Variants in LCA5L observed in about 807,000 individuals in gnomAD.
The protein encoded by LCA5L is lebercilin LCA5 like.
A neutral mutation model predicts 45.4 loss-of-function variants in LCA5L; 35 were observed. The observed-to-expected ratio is 0.77, with a 90% CI of 0.59 to 1.02. The LOEUF is 1.02. LCA5L is among the 50% of genes least tolerant of loss of function. LCA5L has a pLI of 0.00. For synonymous variants in LCA5L, 233 were observed against 264.7 expected, an observed-to-expected ratio of 0.88 and a Z score of 1.16; for missense variants, 668 against 761.6, an observed-to-expected ratio of 0.88 and a Z score of 1.45.
At chr21:39,406,938 CAAT>C (rs2039163701) in intron 10 of LCA5L, among the ~76,000 whole-genome samples, 1 of 152,082 alleles carries the variant, frequency 6.6e-6, no homozygotes, top group South Asian at 2.1e-4. Context: ...CCAGTTGAAA[CAAT>C]GATGGCTGGG....
At chr21:39,422,955 C>T (rs1378773371) in intron 6 of LCA5L, 21 bp downstream of exon 6, 1 of 1,608,972 alleles carries the variant, frequency 6.2e-7, no homozygotes, top group Non-Finnish European at 8.5e-7. Context: ...CTTAAACTGT[C>T]TGGGCCCCTG....
chr21:39,444,513 T>A (rs1257125728), intron 1 of LCA5L: 1 of 152,204 alleles, frequency 6.6e-6, no homozygotes, highest in Non-Finnish European at 1.5e-5. Flanking sequence ...GTAATTTATA[T>A]AATCCTTTAA....
At chr21:39,441,632 G>T (rs7277627) in intron 2 of LCA5L, among the ~76,000 whole-genome samples, 34,998 of 152,046 alleles carry the variant, frequency 0.23, 4,519 homozygotes, top group African/African-American at 0.35. Context: ...ACAAATGTTT[G>T]AATTCACTAC....
At chr21:39,407,391 T>A (rs1018702318) in intron 10 of LCA5L, among the ~76,000 whole-genome samples, 1 of 152,216 alleles carries the variant, frequency 6.6e-6, no homozygotes, top group Non-Finnish European at 1.5e-5. Flanking sequence ...TGGTACAGCA[T>A]TTTTGGATGG....
rs775299650 is a variant in LCA5L, at chr21:39,406,123, A to C, written c.1772T>G (p.Phe591Cys). ...CATGAGACTGCTTTTCTTATCTCTG[A>C]AAGTTGTATCCTTCACTTTTATTCT... ...SSRIKVKDTT[F>C]RDKKSSLMEE... Residue 591 changes from phenylalanine to cysteine, a missense_variant, in exon 11 of 11, where the codon TTC (phenylalanine) becomes TGC (cysteine). By Grantham distance (205) the Phe-to-Cys change is radical (BLOSUM62 -2). Coordinates refer to ENST00000288350, the MANE Select transcript of LCA5L (RefSeq NM_152505.4). 1.2e-6 allele frequency: 2 copies of C among 1,614,242 alleles called. No homozygotes were observed. The highest frequency in any genetic ancestry group is 2.2e-5 in the South Asian group (2 of 91,088).
At position 39,423,103 on chromosome 21, in the gene LCA5L, T is replaced by G. The variant is rs763037874; in HGVS notation, c.710A>C (p.Lys237Thr). ...KLRETDSQLL[K>T]TKDILQALQK... Reference sequence around the variant, plus strand: ...CAGTGCCTGCAAGATATCTTTAGTCTTCAGTAACTGGCTGTCAGTTTCTCT... The same window carrying G: ...CAGTGCCTGCAAGATATCTTTAGTCGTCAGTAACTGGCTGTCAGTTTCTCT... Residue 237 changes from lysine (K) to threonine (T), a missense_variant, in exon 6 of 11, where the codon AAG becomes ACG. Coordinates refer to ENST00000288350, the MANE Select transcript of LCA5L (RefSeq NM_152505.4). 5 of 1,613,812 alleles carry G rather than the reference T, an allele frequency of 3.1e-6. No homozygotes were observed. The African/African-American group carries it at 6.7e-5, about 22-fold the overall frequency.
chr21:39,441,627 T>C (rs1439701031), intron 2 of LCA5L, among the ~76,000 whole-genome samples: 1 of 152,162 alleles, frequency 6.6e-6, no homozygotes, highest in Non-Finnish European at 1.5e-5. Flanking sequence ...TTAGAACAAA[T>C]GTTTGAATTC....
Position 39,413,250 on chromosome 21 carries a change from C to T in LCA5L, c.976-1448G>A, listed in dbSNP as rs542040710. ...TCTTTTTCACTCCACCAAGAGTACA[C>T]ATATGTTTTCTCTCATGCCCAGGAT... On this transcript the variant is annotated intron_variant, in intron 7 of 10. Transcript: ENST00000288350. 1.2e-4 allele frequency among the ~76,000 whole-genome samples: 19 copies of T among 152,308 alleles called. No homozygotes were observed. In the South Asian group the frequency reaches 1.9e-3, roughly 15 times the overall value.
chr21:39,407,627 G>A (rs2039313478), intron 10 of LCA5L, among the ~76,000 whole-genome samples: 1 of 152,106 alleles, frequency 6.6e-6, no homozygotes, highest in South Asian at 2.1e-4. Flanking sequence ...ACAATGAGCT[G>A]GATCCATGTG....
chr21:39,409,753 C>T lies in LCA5L; in HGVS notation c.1282+226G>A, dbSNP rs547795276. Among the ~76,000 whole-genome samples, 3 of 152,180 alleles carry T rather than the reference C, an allele frequency of 2.0e-5. No individual in the cohort carries two copies. The highest frequency in any genetic ancestry group is 1.9e-4 in the East Asian group (1 of 5,164). ...GATTACAGGCACATACCGCCATGTG[C>T]GGTTAAGTTTTGTATTTTTTAGTAG... On this transcript the variant is annotated intron_variant, in intron 10 of 10. Transcript: ENST00000288350. This position sits in a 1 kb window ranked among gnomAD's most constrained non-coding sequence, Gnocchi z 4.2.
chr21:39,428,067 T>C, intron 5 of LCA5L, 105 bp downstream of exon 5: 1 of 688,338 alleles, frequency 1.5e-6, no homozygotes, highest in Non-Finnish European at 2.6e-6. Flanking sequence ...ATTTACAATA[T>C]GGGAAAACAA....
chr21:39,410,384 T>C lies in LCA5L; in HGVS notation c.1061-17A>G. The C allele has an allele frequency of 7.5e-7, 1 of 1,329,238 alleles. No homozygotes were observed. The highest frequency in any genetic ancestry group is 2.3e-5 in the East Asian group (1 of 43,226). 82.3% of individuals were successfully genotyped at this position (1,329,238 alleles called of 1,614,324 possible). A position where few individuals can be genotyped will look rare whatever the true frequency, so the allele number is the denominator to read the frequency against. On this transcript the variant is annotated splice_polypyrimidine_tract_variant and intron_variant, in intron 8 of 10. Coordinates refer to ENST00000288350, the MANE Select transcript of LCA5L (RefSeq NM_152505.4). ...TTGAAGAAACTATGGAACAGGTAGA[T>C]TATATGTAAGAAACATATTTTACAT...
chr21:39,406,310 C>G lies in LCA5L; in HGVS notation c.1585G>C (p.Ala529Pro), dbSNP rs1361684476. ...AGCCCATGATGCAGGTTTTCAGTTG[C>G]TTCTGTGAATGAGTAATGTCTTCTT... is the stretch of plus-strand genomic sequence containing the variant. Reference protein sequence around the residue: ...RQRRHYSFTEATENLHHGLPA... With the variant: ...RQRRHYSFTEPTENLHHGLPA... Residue 529 changes from alanine (A) to proline (P), a missense_variant, in exon 11 of 11, where the codon GCA becomes CCA. Physicochemically the swap from Ala to Pro is conservative, Grantham distance 27. Transcript: ENST00000288350. 6 of 1,614,074 alleles carry G rather than the reference C, an allele frequency of 3.7e-6. No homozygotes were observed. The highest frequency in any genetic ancestry group is 5.1e-6 in the Non-Finnish European group (6 of 1,180,028).
intron 10 of LCA5L, 156 bp from the exon 11 acceptor site, chr21:39,406,768 A>G: frequency 1.7e-6 from 1 of 589,240 alleles, no homozygotes; most frequent in African/African-American, 1.9e-5. Flanking sequence ...GATTACAGAG[A>G]AAGGTGCTAT....
chr21:39,420,004 GT>G lies in LCA5L; in HGVS notation c.975+701del, dbSNP rs2042015611. The stretch of plus-strand genomic sequence containing the variant: ...CATTAAAATTTATCTTAAATATTAT[GT>G]TTTTAAACGTTAATTTTGAGTTACA... On this transcript the variant is annotated intron_variant, in intron 7 of 10. Transcript: ENST00000288350. Among the ~76,000 whole-genome samples, 15 of 152,138 alleles carry G rather than the reference GT, an allele frequency of 9.9e-5. No homozygotes were observed. In the South Asian group the frequency reaches 3.1e-3, roughly 32 times the overall value.
At chr21:39,434,941 A>G (rs2076147875) in intron 3 of LCA5L, among the ~76,000 whole-genome samples, 1 of 152,216 alleles carries the variant, frequency 6.6e-6, no homozygotes, top group Non-Finnish European at 1.5e-5. Context: ...AGTAATTATA[A>G]AATTAATATC....
chr21:39,444,635 T>A (rs1374585601), intron 1 of LCA5L: 1 of 152,124 alleles, frequency 6.6e-6, no homozygotes, highest in Non-Finnish European at 1.5e-5. Context: ...AGTAAAATAA[T>A]CCACGCACCA....
At chr21:39,440,014 G>A (rs955991906) in intron 2 of LCA5L, among the ~76,000 whole-genome samples, 1 of 152,088 alleles carries the variant, frequency 6.6e-6, no homozygotes, top group Non-Finnish European at 1.5e-5. Flanking sequence ...CACACAAGGA[G>A]TTATATACAG....
intron 7 of LCA5L, 87 bp from the exon 8 acceptor site, chr21:39,411,889 G>A: frequency 1.4e-6 from 1 of 694,934 alleles, no homozygotes; most frequent in Non-Finnish European, 2.5e-6. Flanking sequence ...AATGAGCTCA[G>A]TATCCTATGA....
Sources: gnomAD v4.1 joint callset for allele counts (sites outside exome capture counted in the v4.1 genomes callset) on GRCh38, gnomAD v4.1.1 for gene constraint, Gnocchi (gnomAD v3.1) non-coding constraint, MANE v1.5 for transcripts, NCBI Gene and HGNC (gene_info 2026-07-23, HGNC 2026-07-21) for gene names.